Variants in YTHDC2 observed in about 807,000 individuals in gnomAD.
YTHDC2 encodes YTH N6-methyladenosine RNA binding protein C2.
In YTHDC2, 45 loss-of-function variants were observed where a neutral mutation model predicts 174.9. The ratio of observed to expected loss-of-function variants is 0.26; its 90% CI spans 0.20 to 0.33. The LOEUF is 0.33. Ranked by LOEUF, YTHDC2 falls within the 10% of genes least tolerant of loss-of-function variation. The pLI, the probability that YTHDC2 is intolerant of heterozygous loss-of-function variation, is 1.00. For synonymous variants in YTHDC2, 657 were observed against 574.5 expected (o/e 1.14, Z -2.05); for missense variants, 1,650 against 1,723.7 (o/e 0.96, Z 0.76).
intron 22 of YTHDC2, 126 bp downstream of exon 22, chr5:113,567,423 T>A (rs1332018359): frequency 5.3e-6 from 2 of 380,304 alleles, no homozygotes; most frequent in Admixed American, 5.6e-5. Flanking sequence ...TATATATATA[T>A]ATATCATTAA....
chr5:113,565,671 A>C (rs1045537559), intron 20 of YTHDC2: 2 of 383,014 alleles, frequency 5.2e-6, no homozygotes, highest in Non-Finnish European at 9.0e-6. Context: ...GCTACTTGAC[A>C]CTTAGTTCTC....
intron 23 of YTHDC2, among the ~76,000 whole-genome samples, chr5:113,577,975 A>G (rs1460693410): frequency 6.6e-6 from 1 of 152,140 alleles, no homozygotes; most frequent in Non-Finnish European, 1.5e-5. Flanking sequence ...ATTGAATTAT[A>G]TTACCTTCAG....
chr5:113,545,339 T>A (rs1436907522), intron 10 of YTHDC2, among the ~76,000 whole-genome samples: 3 of 150,240 alleles, frequency 2.0e-5, no homozygotes, highest in Non-Finnish European at 4.4e-5. Context: ...TGATTTATTT[T>A]TTAAAGCTCA....
At chr5:113,556,218 C>A in intron 17 of YTHDC2, 84 bp downstream of exon 17, 2 of 658,518 alleles carry the variant, frequency 3.0e-6, no homozygotes, top group South Asian at 3.0e-5. Context: ...TCATATATTC[C>A]ATGTTCAATA....
chr5:113,525,115 A>T lies in YTHDC2; in HGVS notation c.413A>T (p.Asn138Ile), dbSNP rs763962663. ...RSLIQRFPVTNKERTELLPKT... is the reference protein window; with the variant it reads ...RSLIQRFPVTIKERTELLPKT... The stretch of plus-strand genomic sequence containing the variant: ...CTAATTCAAAGATTTCCTGTCACCA[A>T]TAAAGAGCGTACAGAACTTCTGCCT... Residue 138 changes from asparagine (N) to isoleucine (I), a missense_variant, in exon 3 of 30, where the codon AAT becomes ATT. Asn to Ile is a moderately radical substitution (Grantham distance 149). Around this residue, in one of 5 missense-constraint regions of YTHDC2, gnomAD observed 304 missense variants for 341.4 expected, o/e 0.89. Transcript: ENST00000161863. 6.2e-7 allele frequency: 1 copy of T among 1,611,836 alleles called. No individual in the cohort carries two copies. Among genetic ancestry groups the T allele is most frequent in the African/African-American group, 1.3e-5 (1 of 74,810 alleles).
chr5:113,567,056 C>G, intron 21 of YTHDC2, 36 bp from the exon 22 acceptor site: 4 of 1,590,354 alleles, frequency 2.5e-6, no homozygotes, highest in Non-Finnish European at 3.4e-6. Flanking sequence ...ATCTTTTGCA[C>G]AATAGAAAAA....
chr5:113,575,702 A>G (rs1778000362), intron 23 of YTHDC2, among the ~76,000 whole-genome samples: 1 of 152,226 alleles, frequency 6.6e-6, no homozygotes, highest in Admixed American at 6.5e-5. Flanking sequence ...TGCAAAGAAA[A>G]GGAAGTCATT....
In YTHDC2 at chr5:113,578,504, T is replaced by C. The variant is rs1367179130; in HGVS notation, c.3245-1082T>C. Among the ~76,000 whole-genome samples the C allele has an allele frequency of 2.6e-5, 4 of 152,328 alleles. No individual in the cohort carries two copies. In the South Asian group the frequency reaches 8.3e-4, roughly 32 times the overall value. ...TTGATGTGGTATATAGATTTTCTTA[T>C]GGAACTGCTATTTTGTTCTGAGAAT... On this transcript the variant is annotated intron_variant, in intron 23 of 29. Coordinates refer to ENST00000161863, the MANE Select transcript of YTHDC2 (RefSeq NM_022828.5).
Position 113,547,473 on chromosome 5 carries a change from T to G in YTHDC2, c.1496-1068T>G, listed in dbSNP as rs561987918. 5.9e-5 allele frequency among the ~76,000 whole-genome samples: 9 copies of G among 152,072 alleles called. No individual in the cohort carries two copies. In the South Asian group the frequency reaches 1.9e-3, roughly 32 times the overall value. ...TCCGTAAAATGCACAAAACCAAGAG[T>G]GAATCCTAATGTAAACTATGGACTT... is the stretch of plus-strand genomic sequence containing the variant. On this transcript the variant is annotated intron_variant, in intron 10 of 29. Transcript: ENST00000161863.
chr5:113,515,347 T>C lies in YTHDC2; in HGVS notation c.263T>C (p.Val88Ala). The change falls in exon 2 of 30, where the codon GTC becomes GCC. Residue 88 changes from valine to alanine, a missense_variant. Transcript: ENST00000161863. ...IHRLSQSLGL[V>A]SKSKGKGANR... ...CGACTCAGTCAGTCTCTTGGTTTGG[T>C]CTCTAAAAGTAAAGGGTAAGCTGGT... The C allele has an allele frequency of 6.2e-7, 1 of 1,612,268 alleles. No individual in the cohort carries two copies. Among genetic ancestry groups the C allele is most frequent in the Non-Finnish European group, 8.5e-7 (1 of 1,179,618 alleles).
chr5:113,541,241 G>C, intron 9 of YTHDC2, 125 bp downstream of exon 9: 1 of 1,068,108 alleles, frequency 9.4e-7, no homozygotes, highest in East Asian at 2.5e-5. Flanking sequence ...GCCCAGGCTG[G>C]AGTGGAGTGG....
intron 2 of YTHDC2, among the ~76,000 whole-genome samples, chr5:113,520,621 C>T (rs1773799004): frequency 6.6e-6 from 1 of 151,844 alleles, no homozygotes; most frequent in Non-Finnish European, 1.5e-5. Context: ...TAGACCTTGA[C>T]CTGAAAGTGG....
intron 4 of YTHDC2, among the ~76,000 whole-genome samples, 180 bp downstream of exon 4, chr5:113,526,965 T>C (rs546544807): frequency 3.3e-5 from 5 of 151,800 alleles, no homozygotes; most frequent in Admixed American, 6.6e-5. Context: ...TACTGGAATA[T>C]ATTTGGAGAA....
chr5:113,523,116 G>A (rs892920956), intron 2 of YTHDC2, among the ~76,000 whole-genome samples: 1 of 151,982 alleles, frequency 6.6e-6, no homozygotes, highest in Admixed American at 6.6e-5. Context: ...CACAGTGCCT[G>A]GCATAAAGTC....
rs771048613 is a variant in YTHDC2 at position 113,567,272 on chromosome 5, T to G, written c.3023T>G (p.Val1008Gly). 1.1e-5 allele frequency: 18 copies of G among 1,612,542 alleles called. No individual in the cohort carries two copies. In the East Asian group the frequency reaches 4.0e-4, roughly 36 times the overall value. Residue 1008 changes from valine (V) to glycine (G), a missense_variant, in exon 22 of 30, where the codon GTT (valine) becomes GGT (glycine). Physicochemically the swap from Val to Gly is moderately radical, Grantham distance 109. Transcript: ENST00000161863. ...AAAGTACGATTTCATCCTGCTTCAG[T>G]TCTCAGTCAGCCTCAATATAAAAAG... ...EKKVRFHPASVLSQPQYKKIP... is the reference protein window; with the variant it reads ...EKKVRFHPASGLSQPQYKKIP...
At chr5:113,572,777 A>T (rs10074487) in intron 23 of YTHDC2, among the ~76,000 whole-genome samples, 2 of 152,096 alleles carry the variant, frequency 1.3e-5, no homozygotes. Flanking sequence ...TAGGATTGCA[A>T]CCACTGCCTT....
At chr5:113,538,629 ACTTT>A (rs1007309546) in intron 7 of YTHDC2, among the ~76,000 whole-genome samples, 4 of 132,934 alleles carry the variant, frequency 3.0e-5, no homozygotes, top group African/African-American at 1.4e-4. Context: ...TAGTGAGGAT[ACTTT>A]CTTGATGTTG....
At chr5:113,535,119 T>C (rs545787593) in intron 6 of YTHDC2, among the ~76,000 whole-genome samples, 2 of 152,314 alleles carry the variant, frequency 1.3e-5, no homozygotes, top group South Asian at 4.1e-4. Context: ...TATAGACAGC[T>C]CTCTGTATCT....
At chr5:113,563,677 G>T (rs1308710080) in intron 19 of YTHDC2, among the ~76,000 whole-genome samples, 182 bp from the exon 20 acceptor site, 1 of 152,002 alleles carries the variant, frequency 6.6e-6, no homozygotes, top group African/African-American at 2.4e-5. Flanking sequence ...AAATAATATT[G>T]TCATGTATGA....
Sources: gnomAD v4.1 joint callset for allele counts (sites outside exome capture counted in the v4.1 genomes callset) on GRCh38, gnomAD v4.1.1 for gene constraint, gnomAD v4.1.1 regional missense constraint, MANE v1.5 for transcripts, NCBI Gene and HGNC (gene_info 2026-07-23, HGNC 2026-07-21) for gene names.